The following SLC38A4 variants were observed in gnomAD, a reference collection of about 807,000 sequenced individuals.
SLC38A4 encodes sodium-coupled neutral amino acid transporter 4.
In SLC38A4, 20 loss-of-function variants were observed where a neutral mutation model predicts 63.1. The ratio of observed to expected loss-of-function variants is 0.32; its 90% CI spans 0.22 to 0.46. The LOEUF is 0.46. Among genes scored for constraint, SLC38A4 ranks in the 20% least tolerant of loss-of-function variants. SLC38A4 has a pLI of 1.00. For missense variants in SLC38A4, 526 were observed against 663.6 expected, an observed-to-expected ratio of 0.79 and a Z score of 2.28; for synonymous variants, 230 against 225.5, an observed-to-expected ratio of 1.02 and a Z score of -0.18.
At chr12:46,820,692 C>A (rs1939526253) in intron 1 of SLC38A4, among the ~76,000 whole-genome samples, 1 of 151,990 alleles carries the variant, frequency 6.6e-6, no homozygotes, top group Non-Finnish European at 1.5e-5. Context: ...GATATATACC[C>A]AGAAAGTGGG....
chr12:46,775,041 G>A lies in SLC38A4; in HGVS notation c.1299+8C>T. ...TAGGTTTCTTTCATCAAAGTCTTAT[G>A]TACTTACTGGGAAGAGGACAATGGG... On this transcript the variant is annotated splice_region_variant and intron_variant, in intron 14 of 16. Coordinates refer to ENST00000266579, the MANE Select transcript of SLC38A4 (RefSeq NM_018018.5). The A allele has an allele frequency of 6.2e-7, 1 of 1,611,824 alleles. No homozygotes were observed.
At chr12:46,780,512 G>A (rs1938617065) in intron 7 of SLC38A4, among the ~76,000 whole-genome samples, 2 of 151,926 alleles carry the variant, frequency 1.3e-5, no homozygotes, top group South Asian at 4.1e-4. Context: ...AGTACACAAA[G>A]TCTCAGACCA....
chr12:46,793,736 TCCTGAAGCCAAAGTTAAGAATAGTA>T (rs1300107742), intron 2 of SLC38A4, among the ~76,000 whole-genome samples: 8 of 152,186 alleles, frequency 5.3e-5, no homozygotes, highest in African/African-American at 1.9e-4. Flanking sequence ...GGCACTTGGA[TCCTGAAGCCAAAGTTAAGAATAGTA>T]ACAAAAGAAA....
At chr12:46,821,960 AT>A (rs1368795989) in intron 1 of SLC38A4, among the ~76,000 whole-genome samples, 1 of 151,982 alleles carries the variant, frequency 6.6e-6, no homozygotes. Context: ...TGTTTTGTTA[AT>A]TTCCTGACAG....
chr12:46,794,116 T>C (rs1938951960), intron 2 of SLC38A4, among the ~76,000 whole-genome samples: 1 of 152,174 alleles, frequency 6.6e-6, no homozygotes, highest in Admixed American at 6.6e-5. Context: ...AATACCCATT[T>C]GATAAGGAAA....
At chr12:46,795,817 T>C (rs889110633) in intron 2 of SLC38A4, among the ~76,000 whole-genome samples, 5 of 151,244 alleles carry the variant, frequency 3.3e-5, no homozygotes, top group South Asian at 4.3e-4. Context: ...AATTTATCGA[T>C]GGTTTTCTGA....
chr12:46,788,106 C>A, intron 4 of SLC38A4, 75 bp from the exon 5 acceptor site: 1 of 1,069,460 alleles, frequency 9.4e-7, no homozygotes, highest in Non-Finnish European at 1.4e-6. Context: ...CTTATTCTCA[C>A]ATTATCTGCA....
intron 1 of SLC38A4, among the ~76,000 whole-genome samples, chr12:46,821,781 T>C (rs1360148132): frequency 1.3e-5 from 2 of 152,188 alleles, no homozygotes; most frequent in African/African-American, 2.4e-5. Flanking sequence ...TCACTGTGGA[T>C]AGTATGGGCA....
chr12:46,812,314 T>C (rs1300344744), intron 1 of SLC38A4, among the ~76,000 whole-genome samples: 1 of 152,076 alleles, frequency 6.6e-6, no homozygotes, highest in Non-Finnish European at 1.5e-5. Flanking sequence ...TTAAGACTTT[T>C]AGCATTAGCT....
intron 10 of SLC38A4, among the ~76,000 whole-genome samples, chr12:46,779,184 C>T (rs1261741573): frequency 1.3e-5 from 2 of 151,834 alleles, no homozygotes; most frequent in Non-Finnish European, 2.9e-5. Flanking sequence ...TTGTCAGGGG[C>T]CTAGAGAGGA....
chr12:46,776,451 C>T (rs1284283704), intron 13 of SLC38A4, among the ~76,000 whole-genome samples: 1 of 151,908 alleles, frequency 6.6e-6, no homozygotes, highest in Non-Finnish European at 1.5e-5. Flanking sequence ...ACCTAAAGTC[C>T]CAAGCTCCCA....
intron 1 of SLC38A4, among the ~76,000 whole-genome samples, chr12:46,815,701 TAAC>T (rs1376860276): frequency 6.6e-6 from 1 of 151,918 alleles, no homozygotes; most frequent in Non-Finnish European, 1.5e-5. Context: ...AAATATTAAA[TAAC>T]TAAACTCCAA....
intron 1 of SLC38A4, among the ~76,000 whole-genome samples, chr12:46,808,495 C>A (rs1441229840): frequency 6.7e-6 from 1 of 148,514 alleles, no homozygotes; most frequent in Non-Finnish European, 1.5e-5. Flanking sequence ...TGCTTTTAGC[C>A]TCAGCTGACA....
intron 2 of SLC38A4, among the ~76,000 whole-genome samples, chr12:46,798,586 T>G (rs1939064240): frequency 6.6e-6 from 1 of 152,200 alleles, no homozygotes; most frequent in South Asian, 2.1e-4. Context: ...AGTATACATG[T>G]CTGCAGTCCA....
rs551050674 is a variant in SLC38A4, at chr12:46,807,983, T to A, written c.-304-4189A>T. ...TTGCTTTGGCAAAGCCTCTCAGATTTCCGTGGAAGCTTGAGCCACTTCTAT... is the reference window on the plus strand; with the variant it reads ...TTGCTTTGGCAAAGCCTCTCAGATTACCGTGGAAGCTTGAGCCACTTCTAT... On this transcript the variant is annotated intron_variant, in intron 1 of 16. Coordinates refer to ENST00000266579, the MANE Select transcript of SLC38A4 (RefSeq NM_018018.5). Among the ~76,000 whole-genome samples, 141 of 151,900 alleles carry A rather than the reference T, an allele frequency of 9.3e-4. 1 individual carries two copies. The South Asian group carries it at 0.028, about 30-fold the overall frequency.
At chr12:46,781,345 C>T (rs1028696315) in intron 7 of SLC38A4, among the ~76,000 whole-genome samples, 3 of 151,972 alleles carry the variant, frequency 2.0e-5, no homozygotes, top group African/African-American at 7.2e-5. Context: ...TTGCAAAGAC[C>T]TTGGCTAAAG....
intron 2 of SLC38A4, among the ~76,000 whole-genome samples, chr12:46,796,138 C>A (rs1938998531): frequency 6.6e-6 from 1 of 152,102 alleles, no homozygotes; most frequent in Non-Finnish European, 1.5e-5. Flanking sequence ...AATGTCACAT[C>A]CAAAATAACA....
intron 5 of SLC38A4, among the ~76,000 whole-genome samples, chr12:46,786,169 A>C (rs934891119): frequency 3.3e-5 from 5 of 152,092 alleles, no homozygotes; most frequent in African/African-American, 1.2e-4. Context: ...TATGAACTTA[A>C]CTGTTTTTAA....
upstream of SLC38A4, among the ~76,000 whole-genome samples, chr12:46,828,432 C>T (rs528024945): frequency 1.8e-3 from 271 of 152,282 alleles, 1 homozygote; most frequent in African/African-American, 6.1e-3. Flanking sequence ...AGCAATTCTC[C>T]TGCCTTAGCC....
Sources: gnomAD v4.1 joint callset for allele counts (sites outside exome capture counted in the v4.1 genomes callset) on GRCh38, gnomAD v4.1.1 for gene constraint, MANE v1.5 for transcripts, NCBI Gene and HGNC (gene_info 2026-07-23, HGNC 2026-07-21) for gene names.